KCNN3: variants seen among roughly 807,000 people sequenced by gnomAD.
KCNN3 encodes the protein potassium calcium-activated channel subfamily N member 3.
KCNN3 carries 16 observed loss-of-function variants against 62.9 expected under a neutral mutation model. The observed-to-expected ratio is 0.25, with a 90% CI of 0.17 to 0.39. KCNN3 has a LOEUF of 0.39. Among genes scored for constraint, KCNN3 ranks in the 10% least tolerant of loss-of-function variants. The probability of loss-of-function intolerance (pLI) is 1.00; values close to 1 mark genes in which losing one functional copy is unlikely to be tolerated. For missense variants in KCNN3, 599 were observed against 949.4 expected, an observed-to-expected ratio of 0.63 and a Z score of 4.85; for synonymous variants, 370 against 389.2, an observed-to-expected ratio of 0.95 and a Z score of 0.58.
At chr1:154,760,773 T>C (rs913278409) in intron 3 of KCNN3, among the ~76,000 whole-genome samples, 1 of 152,176 alleles carries the variant, frequency 6.6e-6, no homozygotes, top group Non-Finnish European at 1.5e-5. Flanking sequence ...ACGTCCCCTG[T>C]GGAGCTCCAC....
intron 3 of KCNN3, among the ~76,000 whole-genome samples, chr1:154,758,324 C>G (rs1371381020): frequency 6.6e-6 from 1 of 152,210 alleles, no homozygotes; most frequent in Non-Finnish European, 1.5e-5. Context: ...AGGATGGATC[C>G]TGTGCTGGTG....
At chr1:154,749,788 G>A (rs1647274840) in intron 3 of KCNN3, among the ~76,000 whole-genome samples, 1 of 152,178 alleles carries the variant, frequency 6.6e-6, no homozygotes, top group African/African-American at 2.4e-5. Flanking sequence ...CTGAGCATGA[G>A]GGGCCTGAGG....
rs867367933 is a variant in KCNN3, at chr1:154,708,107, G to A, written c.2065C>T (p.Leu689=). Residue 689 remains leucine (L), a synonymous_variant, in exon 8 of 8, where the codon CTG becomes TTG. Coordinates refer to ENST00000271915, the MANE Select transcript of KCNN3 (RefSeq NM_002249.6). ...CCCCGGGCCTCGATGATGGCAGACA[G>A]GAGCTGCTGCTGCTGCTGGCGCAGG... The part of the protein sequence containing the change: ...DTLRQQQQQL[L]SAIIEARGVS... The A allele has an allele frequency of 6.2e-7, 1 of 1,613,968 alleles. No homozygotes were observed. Among genetic ancestry groups the A allele is most frequent in the South Asian group, 1.1e-5 (1 of 91,072 alleles).
intron 2 of KCNN3, among the ~76,000 whole-genome samples, chr1:154,776,957 T>C (rs745677208): frequency 7.2e-5 from 11 of 152,198 alleles, no homozygotes; most frequent in East Asian, 1.9e-4. Flanking sequence ...CCAGTCACAG[T>C]TGGAGCTCCA....
At chr1:154,717,376 G>A (rs866340151) in intron 5 of KCNN3, among the ~76,000 whole-genome samples, 1 of 152,100 alleles carries the variant, frequency 6.6e-6, no homozygotes, top group African/African-American at 2.4e-5. Context: ...TTGAACATAC[G>A]AGGAAACCAC....
intron 1 of KCNN3, among the ~76,000 whole-genome samples, chr1:154,831,230 T>A (rs1557997948): frequency 1.3e-5 from 2 of 152,134 alleles, no homozygotes; most frequent in Admixed American, 1.3e-4. Context: ...ACTTAACAAG[T>A]GTTTCTTGGG....
At chr1:154,729,722 G>A (rs2101788198) in intron 4 of KCNN3, among the ~76,000 whole-genome samples, 1 of 152,258 alleles carries the variant, frequency 6.6e-6, no homozygotes, top group Non-Finnish European at 1.5e-5. Flanking sequence ...AACATCAATT[G>A]GTTTGAAACC....
At chr1:154,785,368 AGGT>A (rs1216283337) in intron 2 of KCNN3, among the ~76,000 whole-genome samples, 1 of 152,024 alleles carries the variant, frequency 6.6e-6, no homozygotes, top group African/African-American at 2.4e-5. Flanking sequence ...GGTCAGGACC[AGGT>A]GGTGGTGGTG....
rs574935825 is a variant in KCNN3 at position 154,756,177 on chromosome 1, A to T, written c.1448+15798T>A. Among the ~76,000 whole-genome samples the T allele has an allele frequency of 6.9e-4, 52 of 75,796 alleles. No individual in the cohort carries two copies. In the South Asian group the frequency reaches 0.018, roughly 27 times the overall value. 49.7% of individuals were successfully genotyped at this position (75,796 alleles called of 152,430 possible). ...AGGAGGAGAAGAAGAAGAGAAGAAG[A>T]GGTGGAGGATGGGGAGGGGAGGAGG... On this transcript the variant is annotated intron_variant, in intron 3 of 7. Transcript: ENST00000271915.
chr1:154,824,653 G>A (rs973672174), intron 1 of KCNN3, among the ~76,000 whole-genome samples: 3 of 152,178 alleles, frequency 2.0e-5, no homozygotes, highest in African/African-American at 7.2e-5. Context: ...CACCTCCCCG[G>A]GAAGGATTTG....
At chr1:154,832,750 G>A (rs1356283874) in intron 1 of KCNN3, among the ~76,000 whole-genome samples, 1 of 152,224 alleles carries the variant, frequency 6.6e-6, no homozygotes, top group Non-Finnish European at 1.5e-5. Context: ...ACAGAAAGCT[G>A]TGGGCTCCCT....
rs534140627 is a variant in KCNN3, at chr1:154,862,353, T to G, written c.933+6679A>C. On this transcript the variant is annotated intron_variant, in intron 1 of 7. Coordinates refer to ENST00000271915, the MANE Select transcript of KCNN3 (RefSeq NM_002249.6). The surrounding 1 kb of genome is among the most constrained non-coding windows in gnomAD (Gnocchi z 4.1). ...TGAAAATGCCTTGTAAGATGTAAGA[T>G]GCTGAGCTCATGTGACTGTCCCCCG... is the stretch of plus-strand genomic sequence containing the variant. 8.3e-4 allele frequency among the ~76,000 whole-genome samples: 127 copies of G among 152,154 alleles called. No homozygotes were observed. Among genetic ancestry groups the G allele is most frequent in the African/African-American group, 3.0e-3 (125 of 41,484 alleles).
Position 154,772,440 on chromosome 1 carries a change from C to T in KCNN3, c.1030-47G>A. ...TTAGTGTGGCCAGGACCAGGAAGCC[C>T]ACAGCAGGGTCCAGGCAGGACAGGT... On this transcript the variant is annotated intron_variant, in intron 2 of 7. Coordinates refer to ENST00000271915, the MANE Select transcript of KCNN3 (RefSeq NM_002249.6). This position sits in a 1 kb window ranked among gnomAD's most constrained non-coding sequence, Gnocchi z 5.6. The T allele has an allele frequency of 1.3e-6, 2 of 1,598,028 alleles. No homozygotes were observed. Among genetic ancestry groups the T allele is most frequent in the Admixed American group, 3.4e-5 (2 of 59,136 alleles).
intron 4 of KCNN3, among the ~76,000 whole-genome samples, chr1:154,731,697 T>A (rs1411122285): frequency 6.6e-6 from 1 of 151,548 alleles, no homozygotes; most frequent in Admixed American, 6.6e-5. Context: ...ATCTGAGGGA[T>A]CACTGCAAGG....
At chr1:154,793,287 T>C (rs1195175799) in intron 2 of KCNN3, among the ~76,000 whole-genome samples, 1 of 152,242 alleles carries the variant, frequency 6.6e-6, no homozygotes, top group African/African-American at 2.4e-5. Context: ...AGCCAGCTTG[T>C]GCACCACCCC....
rs571306537 is a variant in KCNN3 at position 154,703,499 on chromosome 1, A to G, written c.*4477T>C. On this transcript the variant is annotated 3_prime_UTR_variant, in exon 8 of 8. Coordinates refer to ENST00000271915, the MANE Select transcript of KCNN3 (RefSeq NM_002249.6). ...CTTAGGGGAAGAAGAATGAATGTAG[A>G]AAACTGGGGACATATTTTAGGATTT... 2.0e-5 allele frequency: 3 copies of G among 152,242 alleles called. No homozygotes were observed. The highest frequency in any genetic ancestry group is 4.4e-5 in the Non-Finnish European group (3 of 68,054). 9.4% of individuals were successfully genotyped at this position (152,242 alleles called of 1,614,324 possible).
At chr1:154,729,384 C>T (rs536374933) in intron 4 of KCNN3, among the ~76,000 whole-genome samples, 3 of 152,154 alleles carry the variant, frequency 2.0e-5, no homozygotes, top group South Asian at 4.1e-4. Flanking sequence ...TCCCAAGGCA[C>T]GTGGGCGAGA....
intron 2 of KCNN3, among the ~76,000 whole-genome samples, chr1:154,821,043 C>T (rs112910671): frequency 1.3e-5 from 2 of 152,342 alleles, no homozygotes; most frequent in African/African-American, 4.8e-5. Context: ...CTCTCCCATG[C>T]GCTCCTCATC....
chr1:154,839,166 A>G (rs143485477), intron 1 of KCNN3, among the ~76,000 whole-genome samples: 2 of 152,286 alleles, frequency 1.3e-5, no homozygotes, highest in Non-Finnish European at 2.9e-5. Context: ...GACTGAGTTC[A>G]CTTATCCATG....
Sources: allele counts gnomAD v4.1 joint callset (sites outside exome capture counted in the v4.1 genomes callset), GRCh38; gene constraint gnomAD v4.1.1; non-coding constraint Gnocchi (gnomAD v3.1); transcripts MANE v1.5; gene names NCBI Gene and HGNC (gene_info 2026-07-23, HGNC 2026-07-21).